The following PKN2 variants were observed in gnomAD, a reference collection of about 807,000 sequenced individuals.
PKN2 encodes the protein protein kinase N2, also known as serine/threonine-protein kinase N2.
Under a neutral mutation model 119.1 loss-of-function variants are expected in PKN2, and 38 were observed. The ratio of observed to expected loss-of-function variants is 0.32; its 90% CI spans 0.25 to 0.42. PKN2 has a LOEUF of 0.42. PKN2 is among the 10% of genes least tolerant of loss of function. The probability of loss-of-function intolerance (pLI) is 1.00; values close to 1 mark genes in which losing one functional copy is unlikely to be tolerated. For missense variants in PKN2, 850 were observed against 1,165.1 expected (o/e 0.73, Z 3.94); for synonymous variants, 390 against 384.9 (o/e 1.01, Z -0.15).
chr1:88,696,373 G>A (rs572451329), intron 1 of PKN2, among the ~76,000 whole-genome samples: 1 of 152,294 alleles, frequency 6.6e-6, no homozygotes, highest in South Asian at 2.1e-4. Context: ...GATCCCATGA[G>A]TACTAAACAG....
chr1:88,794,084 C>T (rs1557615909), intron 8 of PKN2, among the ~76,000 whole-genome samples: 1 of 151,948 alleles, frequency 6.6e-6, no homozygotes, highest in Admixed American at 6.6e-5. Context: ...ATTCGATATA[C>T]CTGTTGGGCA....
intron 2 of PKN2, among the ~76,000 whole-genome samples, chr1:88,753,329 CTT>C (rs1443483612): frequency 6.6e-6 from 1 of 152,166 alleles, no homozygotes; most frequent in East Asian, 1.9e-4. Context: ...ATTAGAATCA[CTT>C]TTCTTCTTCC....
Position 88,807,302 on chromosome 1 carries a change from A to C in PKN2, c.1804-11A>C. 2.7e-6 allele frequency: 4 copies of C among 1,503,464 alleles called. No homozygotes were observed. The highest frequency in any genetic ancestry group is 3.6e-6 in the Non-Finnish European group (4 of 1,105,880). The allele number at this position is 1,503,464 out of a possible 1,614,324, so 93.1% of individuals were successfully genotyped here. A position where few individuals can be genotyped will look rare whatever the true frequency, so the allele number is the denominator to read the frequency against. On this transcript the variant is annotated splice_polypyrimidine_tract_variant and intron_variant, in intron 12 of 21. Coordinates refer to ENST00000370521, the MANE Select transcript of PKN2 (RefSeq NM_006256.4). ...ATTTCTATGGATTCACGTGTATTTA[A>C]TATTTTACAGGATTCAGAGACTGTT...
At position 88,684,342 on chromosome 1, in the gene PKN2, A is replaced by T. The variant is rs1665975914; in HGVS notation, c.-239A>T. 2.3e-6 allele frequency: 1 copy of T among 442,066 alleles called. No individual in the cohort carries two copies. Among genetic ancestry groups the T allele is most frequent in the South Asian group, 4.0e-5 (1 of 25,298 alleles). The allele number at this position is 442,066 out of a possible 1,614,324, so 27.4% of individuals were successfully genotyped here. A position where few individuals can be genotyped will look rare whatever the true frequency, so the allele number is the denominator to read the frequency against. ...GTCGCCCAGAGGGAGCGACTAGACG[A>T]ACAGTCCGGTGAGGGCGGCGAGAGG... is the stretch of plus-strand genomic sequence containing the variant. On this transcript the variant is annotated 5_prime_UTR_variant, in exon 1 of 22. Coordinates refer to ENST00000370521, the MANE Select transcript of PKN2 (RefSeq NM_006256.4).
intron 2 of PKN2, among the ~76,000 whole-genome samples, chr1:88,746,876 A>G (rs1359673722): frequency 6.6e-6 from 1 of 152,178 alleles, no homozygotes; most frequent in East Asian, 1.9e-4. Context: ...AGACAAATGG[A>G]TTTTTAAAAC....
chr1:88,696,210 C>T (rs1666537396), intron 1 of PKN2, among the ~76,000 whole-genome samples: 1 of 152,246 alleles, frequency 6.6e-6, no homozygotes, highest in East Asian at 1.9e-4. Flanking sequence ...ATTAATTTAT[C>T]CTTCAGATTA....
intron 1 of PKN2, among the ~76,000 whole-genome samples, chr1:88,701,799 T>C (rs1180548785): frequency 1.3e-5 from 2 of 152,368 alleles, no homozygotes; most frequent in South Asian, 2.1e-4. Context: ...AGTTAGCTAC[T>C]ATATCAGAAG....
At chr1:88,741,339 G>A (rs1168203822) in intron 2 of PKN2, 51 bp downstream of exon 2, 1 of 1,178,038 alleles carries the variant, frequency 8.5e-7, no homozygotes, top group Non-Finnish European at 1.1e-6. Context: ...TAAAAAAAAT[G>A]TATCTTTTTA....
chr1:88,835,572 TAGTC>T lies in PKN2; in HGVS notation c.*2127_*2130del, dbSNP rs775193796. The T allele has an allele frequency of 2.2e-4, 34 of 152,408 alleles. No individual in the cohort carries two copies. Among genetic ancestry groups the T allele is most frequent in the Admixed American group, 2.6e-4 (4 of 15,246 alleles). 9.4% of individuals were successfully genotyped at this position (152,408 alleles called of 1,614,324 possible). A position where few individuals can be genotyped will look rare whatever the true frequency, so the allele number is the denominator to read the frequency against. On this transcript the variant is annotated 3_prime_UTR_variant, in exon 22 of 22. Transcript: ENST00000370521. The stretch of plus-strand genomic sequence containing the variant: ...TGTAGTTTAAAATATATATATATTT[TAGTC>T]AGATTTAAAATTTTAAGCTTTATAG...
At chr1:88,737,544 C>T (rs374069525) in intron 1 of PKN2, among the ~76,000 whole-genome samples, 6 of 152,112 alleles carry the variant, frequency 3.9e-5, no homozygotes, top group African/African-American at 7.2e-5. Flanking sequence ...ACTACATCCC[C>T]GGGGCACCAA....
chr1:88,684,278 C>T lies in PKN2; in HGVS notation c.-303C>T. 2 of 347,544 alleles carry T rather than the reference C, an allele frequency of 5.8e-6. No individual in the cohort carries two copies. Among genetic ancestry groups the T allele is most frequent in the Non-Finnish European group, 1.0e-5 (2 of 191,084 alleles). The allele number at this position is 347,544 out of a possible 1,614,324, so 21.5% of individuals were successfully genotyped here. A position where few individuals can be genotyped will look rare whatever the true frequency, so the allele number is the denominator to read the frequency against. On this transcript the variant is annotated 5_prime_UTR_variant, in exon 1 of 22. Transcript: ENST00000370521. ...CGACAGGAGGAGCTGCAGCCGCGGC[C>T]GCAGCGCCCGCACGGAGAGGCTTGA...
intron 19 of PKN2, chr1:88,828,910 G>A: frequency 1.6e-6 from 1 of 621,068 alleles, no homozygotes; most frequent in Non-Finnish European, 3.0e-6. Context: ...ATAGGGAATG[G>A]AATAACAGAA....
intron 12 of PKN2, among the ~76,000 whole-genome samples, chr1:88,807,097 C>T (rs896004742): frequency 6.6e-6 from 1 of 151,924 alleles, no homozygotes; most frequent in Non-Finnish European, 1.5e-5. Flanking sequence ...AGGAGGATTG[C>T]TTGTGGCTGG....
intron 1 of PKN2, among the ~76,000 whole-genome samples, chr1:88,720,620 G>A (rs111355940): frequency 6.2e-4 from 95 of 152,160 alleles, no homozygotes; most frequent in African/African-American, 2.2e-3. Context: ...AAAATGTTTC[G>A]TGACCCTTTT....
chr1:88,705,715 A>ATG (rs1220578075), intron 1 of PKN2, among the ~76,000 whole-genome samples: 1 of 152,062 alleles, frequency 6.6e-6, no homozygotes, highest in Non-Finnish European at 1.5e-5. Flanking sequence ...ATATATATAT[A>ATG]TATTCTTTCT....
In PKN2 at chr1:88,784,812, G is replaced by A. The variant is rs756803089; in HGVS notation, c.1159G>A (p.Asp387Asn). Residue 387 changes from aspartate to asparagine, a missense_variant, in exon 7 of 22, where the codon GAT becomes AAT. Asp to Asn is a conservative substitution (Grantham distance 23). This residue lies in a region of PKN2 where 350 missense variants were observed against 511.1 expected (regional missense o/e 0.68). Transcript: ENST00000370521. ...SGSSRNLLKTDDLSNDVCAVL... is the reference protein window; with the variant it reads ...SGSSRNLLKTNDLSNDVCAVL... ...AAGTAGTCGAAATCTTCTAAAAACC[G>A]ATGACTTGTCCAGTTCAGTAACCAG... The A allele has an allele frequency of 9.3e-6, 15 of 1,606,712 alleles. No homozygotes were observed. The highest frequency in any genetic ancestry group is 2.2e-5 in the East Asian group (1 of 44,570).
intron 8 of PKN2, among the ~76,000 whole-genome samples, chr1:88,787,662 G>A (rs149439617): frequency 0.01 from 1,583 of 152,338 alleles, 20 homozygotes; most frequent in Middle Eastern, 0.024. Flanking sequence ...ATAAAAGACT[G>A]TGATAACTGT....
At chr1:88,716,451 G>A (rs1212238423) in intron 1 of PKN2, among the ~76,000 whole-genome samples, 2 of 152,124 alleles carry the variant, frequency 1.3e-5, no homozygotes, top group Non-Finnish European at 2.9e-5. Flanking sequence ...GGTCTCTAAG[G>A]ACTTGCTTTA....
intron 1 of PKN2, among the ~76,000 whole-genome samples, chr1:88,687,205 T>C (rs1029006624): frequency 2.0e-5 from 3 of 152,154 alleles, no homozygotes; most frequent in African/African-American, 4.8e-5. Flanking sequence ...TGTTAATTAC[T>C]GTAATAGCAT....
Sources: gnomAD v4.1 joint callset for allele counts (sites outside exome capture counted in the v4.1 genomes callset) on GRCh38, gnomAD v4.1.1 for gene constraint, gnomAD v4.1.1 regional missense constraint, MANE v1.5 for transcripts, NCBI Gene and HGNC (gene_info 2026-07-23, HGNC 2026-07-21) for gene names.